MACROH2A2: variants seen among roughly 807,000 people sequenced by gnomAD.
MACROH2A2 encodes core histone macro-H2A.2.
A neutral mutation model predicts 37.6 loss-of-function variants in MACROH2A2; 6 were observed. The observed-to-expected ratio is 0.16, with a 90% CI of 0.09 to 0.32. The LOEUF (loss-of-function observed/expected upper bound fraction) is 0.32, where lower values mean the gene tolerates loss of function less well. Ranked by LOEUF, MACROH2A2 falls within the 10% of genes least tolerant of loss-of-function variation. MACROH2A2 has a pLI of 1.00. For missense variants in MACROH2A2, 290 were observed against 485.9 expected, an observed-to-expected ratio of 0.60 and a Z score of 3.79; for synonymous variants, 192 against 202.7, an observed-to-expected ratio of 0.95 and a Z score of 0.45.
chr10:70,079,565 GCA>G (rs56247035), intron 2 of MACROH2A2, among the ~76,000 whole-genome samples: 4,866 of 126,158 alleles, frequency 0.039, 140 homozygotes, highest in East Asian at 0.096. Flanking sequence ...GCGCGCGCGC[GCA>G]CACACACACA....
At chr10:70,092,816 C>T (rs565120338) in intron 4 of MACROH2A2, among the ~76,000 whole-genome samples, 1 of 152,288 alleles carries the variant, frequency 6.6e-6, no homozygotes, top group African/African-American at 2.4e-5. Flanking sequence ...GTGTTGCCTT[C>T]CAAACAGCCT....
Position 70,111,669 on chromosome 10 carries a change from C to T in MACROH2A2, c.1105C>T (p.Leu369Phe). ...IGIYVQEMAKLDAK is the reference protein window; with the variant it reads ...IGIYVQEMAKFDAK Reference sequence around the variant, plus strand: ...CATCTACGTGCAGGAGATGGCCAAGCTCGACGCCAAGTAGCCGCCGCACTT... The same window carrying T: ...CATCTACGTGCAGGAGATGGCCAAGTTCGACGCCAAGTAGCCGCCGCACTT... Residue 369 changes from leucine to phenylalanine, a missense_variant, in exon 9 of 9, where the codon CTC becomes TTC. Coordinates refer to ENST00000373255, the MANE Select transcript of MACROH2A2 (RefSeq NM_018649.3). The T allele has an allele frequency of 6.2e-7, 1 of 1,607,658 alleles. No individual in the cohort carries two copies. Among genetic ancestry groups the T allele is most frequent in the Non-Finnish European group, 8.5e-7 (1 of 1,176,426 alleles).
intron 2 of MACROH2A2, among the ~76,000 whole-genome samples, chr10:70,078,984 A>G (rs575944582): frequency 1.8e-4 from 28 of 152,300 alleles, no homozygotes; most frequent in Admixed American, 1.1e-3. Flanking sequence ...TGAGTGCCTC[A>G]TTTGAATCAG....
Position 70,111,834 on chromosome 10 carries a change from T to C in MACROH2A2, c.*151T>C, listed in dbSNP as rs1251848776. The C allele has an allele frequency of 1.9e-6, 1 of 517,748 alleles. No homozygotes were observed. The highest frequency in any genetic ancestry group is 3.2e-6 in the Non-Finnish European group (1 of 311,354). The allele number at this position is 517,748 out of a possible 1,614,324, so 32.1% of individuals were successfully genotyped here. On this transcript the variant is annotated 3_prime_UTR_variant, in exon 9 of 9. Coordinates refer to ENST00000373255, the MANE Select transcript of MACROH2A2 (RefSeq NM_018649.3). The stretch of plus-strand genomic sequence containing the variant: ...GCAGGGAGCCCTCTGCCCTTCACAC[T>C]CTCCTCCAAAAGAGCCTCCATCTGT...
intron 7 of MACROH2A2, among the ~76,000 whole-genome samples, chr10:70,101,281 T>G (rs1436109012): frequency 2.0e-5 from 3 of 152,194 alleles, no homozygotes; most frequent in Non-Finnish European, 4.4e-5. Context: ...AGCATTTCCT[T>G]TGAAGCATTT....
At chr10:70,066,388 G>A (rs1229215751) in intron 1 of MACROH2A2, among the ~76,000 whole-genome samples, 1 of 152,120 alleles carries the variant, frequency 6.6e-6, no homozygotes, top group African/African-American at 2.4e-5. Flanking sequence ...TACATCAGGT[G>A]GATACCAACA....
intron 2 of MACROH2A2, among the ~76,000 whole-genome samples, chr10:70,076,978 A>G (rs1005255576): frequency 6.8e-6 from 1 of 147,792 alleles, no homozygotes; most frequent in Non-Finnish European, 1.5e-5. Flanking sequence ...TCCACCAGGC[A>G]GACCTCTGCA....
intron 8 of MACROH2A2, among the ~76,000 whole-genome samples, chr10:70,110,118 G>A (rs144063562): frequency 7.9e-5 from 12 of 152,236 alleles, no homozygotes; most frequent in East Asian, 3.9e-4. Flanking sequence ...TTCTTTCGTC[G>A]GTGGAACCAC....
intron 1 of MACROH2A2, among the ~76,000 whole-genome samples, chr10:70,074,253 C>T (rs77048789): frequency 0.04 from 6,075 of 152,314 alleles, 158 homozygotes; most frequent in Non-Finnish European, 0.057. Context: ...CCTTAAGCAA[C>T]AGTGAATGTT....
intron 5 of MACROH2A2, among the ~76,000 whole-genome samples, chr10:70,094,811 C>T (rs1031871404): frequency 2.2e-4 from 34 of 152,166 alleles, no homozygotes; most frequent in African/African-American, 7.5e-4. Flanking sequence ...AATGGTAGCC[C>T]CAAGACTGTG....
chr10:70,102,342 G>A (rs989028234), intron 7 of MACROH2A2, among the ~76,000 whole-genome samples: 3 of 152,334 alleles, frequency 2.0e-5, no homozygotes, highest in East Asian at 1.9e-4. Context: ...TGGGCTGTGC[G>A]AAGGGGTCTG....
At chr10:70,074,866 T>G (rs1023141789) in intron 1 of MACROH2A2, among the ~76,000 whole-genome samples, 1 of 152,188 alleles carries the variant, frequency 6.6e-6, no homozygotes, top group Non-Finnish European at 1.5e-5. Context: ...TTATTAGCAG[T>G]GTGAGAACAG....
At chr10:70,090,214 T>C (rs747340300) in intron 3 of MACROH2A2, 48 bp downstream of exon 3, 2 of 1,214,508 alleles carry the variant, frequency 1.6e-6, no homozygotes, top group Non-Finnish European at 2.5e-6. Context: ...TTGCCAAACA[T>C]GCTAATGTGT....
chr10:70,070,964 T>C (rs1205247974), intron 1 of MACROH2A2, among the ~76,000 whole-genome samples: 1 of 89,670 alleles, frequency 1.1e-5, no homozygotes, highest in Non-Finnish European at 2.6e-5. Context: ...TTGAGGAAAG[T>C]GTGTGTGTGT....
intron 7 of MACROH2A2, among the ~76,000 whole-genome samples, chr10:70,105,679 G>A (rs1437862504): frequency 6.6e-6 from 1 of 151,668 alleles, no homozygotes; most frequent in Non-Finnish European, 1.5e-5. Context: ...GTGGAGGATG[G>A]TTTGGCAGAC....
rs144662320 is a variant in MACROH2A2, at chr10:70,109,450, G to T, written c.953+243G>T. Reference sequence around the variant, plus strand: ...GCCCCAGTGCCTCCTTGATGTTAAAGCCCCAGGAGGAAGGCTAGCCCAGGG... The same window carrying T: ...GCCCCAGTGCCTCCTTGATGTTAAATCCCCAGGAGGAAGGCTAGCCCAGGG... On this transcript the variant is annotated intron_variant, in intron 8 of 8. Coordinates refer to ENST00000373255, the MANE Select transcript of MACROH2A2 (RefSeq NM_018649.3). Among the ~76,000 whole-genome samples, 46 of 152,324 alleles carry T rather than the reference G, an allele frequency of 3.0e-4. No individual in the cohort carries two copies. The East Asian group carries it at 8.7e-3, about 29-fold the overall frequency.
chr10:70,109,384 C>T (rs1458902934), intron 8 of MACROH2A2, among the ~76,000 whole-genome samples, 177 bp downstream of exon 8: 1 of 152,202 alleles, frequency 6.6e-6, no homozygotes, highest in East Asian at 1.9e-4. Flanking sequence ...GGAAGCGAGC[C>T]CACTGGCTCC....
intron 4 of MACROH2A2, 146 bp from the exon 5 acceptor site, chr10:70,093,589 C>T (rs2136636866): frequency 1.7e-6 from 1 of 580,896 alleles, no homozygotes; most frequent in Non-Finnish European, 3.1e-6. Context: ...GACTTTTGCT[C>T]CCCTCCTTCA....
intron 1 of MACROH2A2, among the ~76,000 whole-genome samples, chr10:70,068,787 T>C (rs1472089673): frequency 6.6e-6 from 1 of 152,220 alleles, no homozygotes; most frequent in East Asian, 1.9e-4. Context: ...GTGGGTTTGT[T>C]GATTGCCCCA....
Sources: allele counts gnomAD v4.1 joint callset (sites outside exome capture counted in the v4.1 genomes callset), GRCh38; gene constraint gnomAD v4.1.1; transcripts MANE v1.5; gene names NCBI Gene and HGNC (gene_info 2026-07-23, HGNC 2026-07-21).